The following FSHR variants were observed in gnomAD, a reference collection of about 807,000 sequenced individuals.
FSHR encodes follicle-stimulating hormone receptor.
FSHR carries 46 observed loss-of-function variants against 52.1 expected under a neutral mutation model. That is an observed-to-expected ratio of 0.88 (90% CI 0.70 to 1.13). FSHR has a LOEUF of 1.13. Among genes scored for constraint, FSHR ranks in the 50% most tolerant of loss-of-function variants. The pLI, the probability that FSHR is intolerant of heterozygous loss-of-function variation, is 0.00. For missense variants in FSHR, 964 were observed against 834.6 expected, an observed-to-expected ratio of 1.16 and a Z score of -1.91; for synonymous variants, 399 against 309.6, an observed-to-expected ratio of 1.29 and a Z score of -3.03.
intron 2 of FSHR, 44 bp downstream of exon 2, chr2:49,068,175 T>G: frequency 6.7e-7 from 1 of 1,489,734 alleles, no homozygotes; most frequent in Non-Finnish European, 9.3e-7. Context: ...TTGCTCCCTA[T>G]AGCCCCCTTG....
chr2:49,037,182 C>G (rs1558404063), intron 2 of FSHR, among the ~76,000 whole-genome samples: 1 of 152,192 alleles, frequency 6.6e-6, no homozygotes, highest in Non-Finnish European at 1.5e-5. Context: ...TTGGTGGAAA[C>G]AGTCACCTGC....
At chr2:49,146,533 C>A (rs1455484532) in intron 1 of FSHR, among the ~76,000 whole-genome samples, 1 of 151,900 alleles carries the variant, frequency 6.6e-6, no homozygotes, top group Non-Finnish European at 1.5e-5. Context: ...TGGGGTTTTT[C>A]CATGCTGCAT....
intron 4 of FSHR, among the ~76,000 whole-genome samples, chr2:49,007,463 G>A (rs1379407705): frequency 1.3e-5 from 2 of 152,124 alleles, no homozygotes; most frequent in African/African-American, 4.8e-5. Context: ...TTTTGAATAG[G>A]GATGGCAAGG....
chr2:49,119,302 A>G (rs1001805673), intron 1 of FSHR, among the ~76,000 whole-genome samples: 8 of 152,124 alleles, frequency 5.3e-5, no homozygotes, highest in African/African-American at 1.7e-4. Context: ...AATTTCGGTT[A>G]CATATATTGG....
intron 4 of FSHR, among the ~76,000 whole-genome samples, chr2:49,017,046 A>G (rs1667514513): frequency 6.6e-6 from 1 of 152,206 alleles, no homozygotes; most frequent in Non-Finnish European, 1.5e-5. Context: ...ATAAAATACC[A>G]TGTGTGTTAT....
chr2:49,143,277 C>T (rs922778604), intron 1 of FSHR, among the ~76,000 whole-genome samples: 3 of 152,156 alleles, frequency 2.0e-5, no homozygotes, highest in Non-Finnish European at 4.4e-5. Context: ...AAAAAAGGAA[C>T]ATGTGTCAAG....
chr2:48,974,028 G>A (rs1674864457), intron 8 of FSHR, among the ~76,000 whole-genome samples: 1 of 148,530 alleles, frequency 6.7e-6, no homozygotes, highest in Admixed American at 6.6e-5. Context: ...ACATGACTCA[G>A]CATTGTAATA....
intron 1 of FSHR, among the ~76,000 whole-genome samples, chr2:49,100,831 G>A (rs976229): frequency 0.22 from 33,957 of 152,118 alleles, 3,816 homozygotes; most frequent in East Asian, 0.29. Flanking sequence ...TATTTATAGT[G>A]AAAGAAGCAC....
chr2:49,095,854 T>C (rs1346913616), intron 1 of FSHR, among the ~76,000 whole-genome samples: 1 of 152,100 alleles, frequency 6.6e-6, no homozygotes, highest in African/African-American at 2.4e-5. Flanking sequence ...CCAATAGACA[T>C]ATGAAAAGAT....
intron 1 of FSHR, among the ~76,000 whole-genome samples, chr2:49,080,295 T>C (rs1164613421): frequency 6.6e-6 from 1 of 152,208 alleles, no homozygotes; most frequent in Non-Finnish European, 1.5e-5. Flanking sequence ...CATTTGTTAA[T>C]ATTCATTAAA....
intron 1 of FSHR, among the ~76,000 whole-genome samples, chr2:49,076,109 T>C (rs560931688): frequency 1.4e-3 from 210 of 152,344 alleles, no homozygotes; most frequent in Non-Finnish European, 2.5e-3. Context: ...TACCATGTGA[T>C]GTTAGAAGTA....
chr2:49,092,856 G>T (rs1035754541), intron 1 of FSHR, among the ~76,000 whole-genome samples: 3 of 151,992 alleles, frequency 2.0e-5, no homozygotes, highest in Non-Finnish European at 2.9e-5. Flanking sequence ...AGTAGAGATG[G>T]GGTTTCACCA....
chr2:49,045,363 T>A (rs1307147583), intron 2 of FSHR, among the ~76,000 whole-genome samples: 1 of 152,208 alleles, frequency 6.6e-6, no homozygotes, highest in Non-Finnish European at 1.5e-5. Context: ...AGTAGTTAGA[T>A]CCTCAGTGAT....
intron 2 of FSHR, among the ~76,000 whole-genome samples, chr2:49,040,608 G>C (rs879303628): frequency 2.0e-5 from 3 of 152,152 alleles, no homozygotes; most frequent in Non-Finnish European, 4.4e-5. Context: ...TATGTGGAGA[G>C]AGGTATGGTA....
chr2:49,153,767 T>C (rs1307623312), intron 1 of FSHR, among the ~76,000 whole-genome samples: 1 of 152,146 alleles, frequency 6.6e-6, no homozygotes, highest in Non-Finnish European at 1.5e-5. Context: ...ACCTCCTTTT[T>C]ACACCCAAAA....
intron 1 of FSHR, among the ~76,000 whole-genome samples, chr2:49,119,209 C>A (rs1339037267): frequency 6.6e-6 from 1 of 152,158 alleles, no homozygotes; most frequent in African/African-American, 2.4e-5. Flanking sequence ...GGGGCAATAT[C>A]CCCAAAGGCA....
At chr2:49,081,523 C>A (rs1463191747) in intron 1 of FSHR, among the ~76,000 whole-genome samples, 2 of 152,124 alleles carry the variant, frequency 1.3e-5, no homozygotes, top group African/African-American at 2.4e-5. Flanking sequence ...TTTATTAACT[C>A]ACTATTAATT....
intron 2 of FSHR, among the ~76,000 whole-genome samples, chr2:49,031,275 A>G (rs1572656881): frequency 1.3e-5 from 2 of 152,336 alleles, no homozygotes; most frequent in South Asian, 4.1e-4. Context: ...ATTGATGTGT[A>G]TAATTTAATT....
intron 6 of FSHR, among the ~76,000 whole-genome samples, chr2:48,987,433 A>G (rs1349152698): frequency 1.3e-5 from 2 of 151,894 alleles, no homozygotes; most frequent in Admixed American, 6.6e-5. Flanking sequence ...GATTGCCTCA[A>G]TCTCCTGACC....
Sources: allele counts gnomAD v4.1 joint callset (sites outside exome capture counted in the v4.1 genomes callset), GRCh38; gene constraint gnomAD v4.1.1; transcripts MANE v1.5; gene names NCBI Gene and HGNC (gene_info 2026-07-23, HGNC 2026-07-21).